Variants in TNR observed in about 807,000 individuals in gnomAD.
TNR encodes tenascin-R.
Under a neutral mutation model 150.4 loss-of-function variants are expected in TNR, and 45 were observed. The ratio of observed to expected loss-of-function variants is 0.30; its 90% confidence interval spans 0.24 to 0.38. The LOEUF (loss-of-function observed/expected upper bound fraction) is 0.38, where lower values mean the gene tolerates loss of function less well. TNR is among the 10% of genes least tolerant of loss of function. The probability of loss-of-function intolerance (pLI) is 1.00; values close to 1 mark genes in which losing one functional copy is unlikely to be tolerated. For missense variants in TNR, 1,544 were observed against 1,759.1 expected, an observed-to-expected ratio of 0.88 and a Z score of 2.19; for synonymous variants, 687 against 678.4, an observed-to-expected ratio of 1.01 and a Z score of -0.20.
In TNR at chr1:175,599,911, A is replaced by G. The variant is rs2235256; in HGVS notation, c.-164-71542T>C. Among the ~76,000 whole-genome samples the G allele has an allele frequency of 0.53, 80,208 of 152,082 alleles. 23,164 individuals are homozygous for G. Among genetic ancestry groups the G allele is most frequent in the African/African-American group, 0.79 (32,789 of 41,512 alleles). ...GCGTGGGGATGCTGAGGCAGGCAAG[A>G]GACTGGGGCCGGTTCTACAGGAGGG... On this transcript the variant is annotated intron_variant, in intron 1 of 22. Coordinates refer to ENST00000367674, the MANE Select transcript of TNR (RefSeq NM_003285.3). This position sits in a 1 kb window ranked among gnomAD's most constrained non-coding sequence, Gnocchi z 4.7.
intron 1 of TNR, among the ~76,000 whole-genome samples, chr1:175,598,694 G>A (rs1663107355): frequency 6.6e-6 from 1 of 152,252 alleles, no homozygotes; most frequent in East Asian, 1.9e-4. Flanking sequence ...GCACTCTGCA[G>A]TTAGTTTCTA....
chr1:175,436,602 C>G (rs1373237300), intron 2 of TNR, among the ~76,000 whole-genome samples: 3 of 152,130 alleles, frequency 2.0e-5, no homozygotes, highest in Admixed American at 2.0e-4. Flanking sequence ...GATAAAGAGT[C>G]AAGACCCATC....
chr1:175,505,858 T>A (rs189259631), intron 2 of TNR, among the ~76,000 whole-genome samples: 126 of 151,882 alleles, frequency 8.3e-4, no homozygotes, highest in African/African-American at 3.0e-3. Context: ...GTGGCCAACA[T>A]GGCAAAACCC....
chr1:175,526,301 T>C (rs888920149), intron 2 of TNR, among the ~76,000 whole-genome samples: 1 of 152,220 alleles, frequency 6.6e-6, no homozygotes, highest in African/African-American at 2.4e-5. Context: ...TGTCTGGAAC[T>C]GAAAGTTATC....
At chr1:175,496,806 G>A (rs1658508666) in intron 2 of TNR, among the ~76,000 whole-genome samples, 1 of 152,172 alleles carries the variant, frequency 6.6e-6, no homozygotes, top group Non-Finnish European at 1.5e-5. Context: ...TGTTCTAGAT[G>A]CCACTGTAAA....
rs186915207 is a variant in TNR at position 175,530,512 on chromosome 1, T to A, written c.-164-2143A>T. On this transcript the variant is annotated intron_variant, in intron 1 of 22. Coordinates refer to ENST00000367674, the MANE Select transcript of TNR (RefSeq NM_003285.3). ...TGGGTGGTGTCTCAAAGCACCCAAA[T>A]ATACACCCTCCCTTTTGCTCATTTA... Among the ~76,000 whole-genome samples, 348 of 152,300 alleles carry A rather than the reference T, an allele frequency of 2.3e-3. 1 individual carries two copies. The highest frequency in any genetic ancestry group is 7.9e-3 in the African/African-American group (329 of 41,560).
chr1:175,633,697 C>T (rs912738353), intron 1 of TNR, among the ~76,000 whole-genome samples: 8 of 151,966 alleles, frequency 5.3e-5, no homozygotes, highest in Admixed American at 2.0e-4. Context: ...ATAGAACTTT[C>T]GGCCAGGAAA....
intron 1 of TNR, among the ~76,000 whole-genome samples, chr1:175,546,492 G>A (rs963304376): frequency 5.3e-5 from 8 of 152,194 alleles, no homozygotes; most frequent in African/African-American, 1.9e-4. Flanking sequence ...ACGGCTAATG[G>A]GATGTGGAAC....
At chr1:175,370,532 T>C (rs1001112220) in intron 9 of TNR, among the ~76,000 whole-genome samples, 5 of 151,952 alleles carry the variant, frequency 3.3e-5, no homozygotes, top group African/African-American at 1.2e-4. Context: ...ACCTTCTCCC[T>C]GGCTGGGCCA....
At chr1:175,715,771 G>A (rs1275440518) in intron 1 of TNR, among the ~76,000 whole-genome samples, 4 of 152,312 alleles carry the variant, frequency 2.6e-5, no homozygotes, top group Non-Finnish European at 1.5e-5. Context: ...TTTGTGATGG[G>A]TGAGTTCATA....
intron 2 of TNR, among the ~76,000 whole-genome samples, chr1:175,476,006 A>C (rs1657530433): frequency 6.6e-6 from 1 of 152,230 alleles, no homozygotes; most frequent in African/African-American, 2.4e-5. Flanking sequence ...TGAACAAAAA[A>C]GAGAGCTGAA....
intron 18 of TNR, among the ~76,000 whole-genome samples, chr1:175,341,552 C>T (rs1159100667): frequency 6.6e-6 from 1 of 152,190 alleles, no homozygotes; most frequent in Admixed American, 6.5e-5. Flanking sequence ...GTGGAGCAAG[C>T]TACATGACAC....
chr1:175,625,021 T>C (rs534542467), intron 1 of TNR, among the ~76,000 whole-genome samples: 2 of 152,336 alleles, frequency 1.3e-5, no homozygotes, highest in African/African-American at 4.8e-5. Flanking sequence ...GGCCTCATCC[T>C]AAGCTTGGCC....
chr1:175,568,450 A>G (rs1454856010), intron 1 of TNR, among the ~76,000 whole-genome samples: 2 of 152,190 alleles, frequency 1.3e-5, no homozygotes, highest in Non-Finnish European at 2.9e-5. Context: ...CCCTTCCCAT[A>G]GAGAAGATCC....
chr1:175,630,442 T>C (rs1040376201), intron 1 of TNR, among the ~76,000 whole-genome samples: 2 of 152,228 alleles, frequency 1.3e-5, no homozygotes, highest in African/African-American at 4.8e-5. Flanking sequence ...GCAATCACAA[T>C]TGATTAAGCA....
rs897905549 is a variant in TNR, at chr1:175,599,042, G to T, written c.-164-70673C>A. 1.3e-5 allele frequency among the ~76,000 whole-genome samples: 2 copies of T among 152,204 alleles called. No individual in the cohort carries two copies. Among genetic ancestry groups the T allele is most frequent in the Non-Finnish European group, 2.9e-5 (2 of 68,038 alleles). On this transcript the variant is annotated intron_variant, in intron 1 of 22. Transcript: ENST00000367674. This position sits in a 1 kb window ranked among gnomAD's most constrained non-coding sequence, Gnocchi z 4.7. ...TCCAGGAGCTAAAGGGCTTCCCCAAGGTCACACGTTCAGTGACGGAGAGGC... is the reference window on the plus strand; with the variant it reads ...TCCAGGAGCTAAAGGGCTTCCCCAATGTCACACGTTCAGTGACGGAGAGGC...
At chr1:175,604,938 G>A (rs991544021) in intron 1 of TNR, among the ~76,000 whole-genome samples, 7 of 152,214 alleles carry the variant, frequency 4.6e-5, no homozygotes, top group Admixed American at 1.3e-4. Context: ...TAGAGGAGAG[G>A]AGGAAGCATA....
At chr1:175,331,047 T>TTCTTTCTTTCCTTC (rs1649775622) in intron 20 of TNR, among the ~76,000 whole-genome samples, 23 of 91,076 alleles carry the variant, frequency 2.5e-4, no homozygotes, top group Admixed American at 8.9e-4. Flanking sequence ...CTTTCTTTCT[T>TTCTTTCTTTCCTTC]TCTTTCTTTC....
intron 1 of TNR, among the ~76,000 whole-genome samples, chr1:175,632,826 G>A (rs2101874625): frequency 6.6e-6 from 1 of 152,274 alleles, no homozygotes; most frequent in East Asian, 1.9e-4. Flanking sequence ...CTGAAACCCA[G>A]AGCATCTGGT....
Sources: allele counts gnomAD v4.1 joint callset (sites outside exome capture counted in the v4.1 genomes callset), GRCh38; gene constraint gnomAD v4.1.1; non-coding constraint Gnocchi (gnomAD v3.1); transcripts MANE v1.5; gene names NCBI Gene and HGNC (gene_info 2026-07-23, HGNC 2026-07-21).